The following HSD17B7 variants were observed in gnomAD, a reference collection of about 807,000 sequenced individuals.
HSD17B7 encodes 3-keto-steroid reductase/17-beta-hydroxysteroid dehydrogenase 7.
In HSD17B7, 17 loss-of-function variants were observed where a neutral mutation model predicts 34.1. That is an observed-to-expected ratio of 0.50 (90% confidence interval 0.34 to 0.75). The LOEUF is 0.75. Among genes scored for constraint, HSD17B7 ranks in the 30% least tolerant of loss-of-function variants. The probability of loss-of-function intolerance (pLI) is 0.01; values close to 1 mark genes in which losing one functional copy is unlikely to be tolerated. For missense variants in HSD17B7, 296 were observed against 406.6 expected (o/e 0.73, Z 2.34); for synonymous variants, 122 against 154.6 (o/e 0.79, Z 1.56).
intron 1 of HSD17B7, among the ~76,000 whole-genome samples, chr1:162,791,060 G>A (rs924932817): frequency 2.0e-5 from 3 of 151,562 alleles, no homozygotes; most frequent in Non-Finnish European, 2.9e-5. Flanking sequence ...GCATCAGTAA[G>A]TGATGAGTGT....
At chr1:162,797,273 GACACACAC>G (rs370316764) in intron 3 of HSD17B7, 1 of 157,744 alleles carries the variant, frequency 6.3e-6, no homozygotes, top group Non-Finnish European at 1.4e-5. Context: ...TTAAAAGACA[GACACACAC>G]ACACACTCTC....
rs1388762533 is a variant in HSD17B7, at chr1:162,808,400, G to A, written c.903+2908G>A. ...GTAGTATAGTTTGAAGTCAGGTAGCGTGATGCCTCCAGCTTTGTTCTTTTG... is the reference window on the plus strand; with the variant it reads ...GTAGTATAGTTTGAAGTCAGGTAGCATGATGCCTCCAGCTTTGTTCTTTTG... On this transcript the variant is annotated intron_variant, in intron 8 of 8. Coordinates refer to ENST00000254521, the MANE Select transcript of HSD17B7 (RefSeq NM_016371.4). 9.2e-5 allele frequency among the ~76,000 whole-genome samples: 14 copies of A among 152,238 alleles called. No homozygotes were observed. In the South Asian group the frequency reaches 1.5e-3, roughly 16 times the overall value.
chr1:162,800,532 T>G (rs142071192), intron 5 of HSD17B7, among the ~76,000 whole-genome samples: 3,304 of 152,308 alleles, frequency 0.022, 76 homozygotes, highest in South Asian at 0.1. Context: ...TCTATGAGGA[T>G]CTCAGTTTAT....
At chr1:162,809,959 C>T (rs1393740425) in intron 8 of HSD17B7, among the ~76,000 whole-genome samples, 2 of 152,070 alleles carry the variant, frequency 1.3e-5, no homozygotes, top group African/African-American at 4.8e-5. Context: ...TTCAGTTCTG[C>T]TCTGATCTTA....
chr1:162,808,873 G>T (rs1464552971), intron 8 of HSD17B7, among the ~76,000 whole-genome samples: 2 of 152,192 alleles, frequency 1.3e-5, no homozygotes, highest in Non-Finnish European at 2.9e-5. Flanking sequence ...TTTGGGCTGA[G>T]ACAATGGGGT....
intron 2 of HSD17B7, 47 bp downstream of exon 2, chr1:162,792,909 A>C (rs371253891): frequency 2.5e-5 from 39 of 1,563,132 alleles, no homozygotes; most frequent in Admixed American, 6.7e-5. Context: ...ATTGTGCAGC[A>C]TAACACTTAA....
chr1:162,791,828 T>G (rs1648418644), intron 1 of HSD17B7, among the ~76,000 whole-genome samples: 1 of 152,084 alleles, frequency 6.6e-6, no homozygotes. Flanking sequence ...TTGTTGTTGG[T>G]GCTAATAGAT....
chr1:162,793,102 C>T (rs1262915514), intron 2 of HSD17B7: 17 of 263,814 alleles, frequency 6.4e-5, no homozygotes, highest in East Asian at 4.4e-4. Flanking sequence ...GGCGTGATCT[C>T]GGCTCACTTC....
chr1:162,795,237 G>A (rs144549431), intron 2 of HSD17B7, among the ~76,000 whole-genome samples: 93 of 152,286 alleles, frequency 6.1e-4, no homozygotes, highest in African/African-American at 2.1e-3. Flanking sequence ...CCCTTCTAAT[G>A]GCTCAAGTAG....
In HSD17B7 at chr1:162,790,968, CA is replaced by C. The variant is rs961957245; in HGVS notation, c.35+134del. The C allele has an allele frequency of 3.2e-4, 211 of 668,900 alleles. 1 individual carries two copies. The Admixed American group carries it at 4.9e-3, about 15-fold the overall frequency. The allele number at this position is 668,900 out of a possible 1,614,324, so 41.4% of individuals were successfully genotyped here. On this transcript the variant is annotated intron_variant, in intron 1 of 8. Coordinates refer to ENST00000254521, the MANE Select transcript of HSD17B7 (RefSeq NM_016371.4). Reference sequence around the variant, plus strand: ...TGCCTAGGTTCCCCGGAGTCTGCAGCAGGTGTGGGGCATGTCGGCCTCTTGA... The same window carrying C: ...TGCCTAGGTTCCCCGGAGTCTGCAGCGGTGTGGGGCATGTCGGCCTCTTGA...
rs561012380 is a variant in HSD17B7 at position 162,803,402 on chromosome 1, G to A, written c.643-29G>A. ...CTGAGTCAATATACACTGAGTTAAA[G>A]TCTCATTGCTACACCTCTCTGTTCC... On this transcript the variant is annotated intron_variant, in intron 5 of 8. Coordinates refer to ENST00000254521, the MANE Select transcript of HSD17B7 (RefSeq NM_016371.4). 40 of 1,606,272 alleles carry A rather than the reference G, an allele frequency of 2.5e-5. No homozygotes were observed. The South Asian group carries it at 4.1e-4, about 16-fold the overall frequency.
At chr1:162,806,543 A>G (rs1485432074) in intron 8 of HSD17B7, among the ~76,000 whole-genome samples, 1 of 152,224 alleles carries the variant, frequency 6.6e-6, no homozygotes, top group East Asian at 1.9e-4. Flanking sequence ...CAGCAAAGTA[A>G]AGGCTGTGAG....
At chr1:162,791,098 G>A (rs1300369571) in intron 1 of HSD17B7, among the ~76,000 whole-genome samples, 1 of 151,852 alleles carries the variant, frequency 6.6e-6, no homozygotes, top group Non-Finnish European at 1.5e-5. Context: ...GGTTATCAAG[G>A]CAATGGGGTA....
intron 2 of HSD17B7, among the ~76,000 whole-genome samples, chr1:162,796,333 T>C (rs1251156408): frequency 2.0e-5 from 3 of 152,268 alleles, no homozygotes; most frequent in African/African-American, 7.2e-5. Flanking sequence ...CAGATTCTGT[T>C]TGAAGCCACT....
Position 162,812,245 on chromosome 1 carries a change from C to T in HSD17B7, c.904-53C>T, listed in dbSNP as rs1283663811. 8 of 1,578,452 alleles carry T rather than the reference C, an allele frequency of 5.1e-6. No homozygotes were observed. The African/African-American group carries it at 6.9e-5, about 14-fold the overall frequency. On this transcript the variant is annotated intron_variant, in intron 8 of 8. Transcript: ENST00000254521. ...TGAATGCCTTTTTTTTATACAAATA[C>T]TATTCATCTTATTTTTCATTTCTAG...
rs1648364759 is a variant in HSD17B7, at chr1:162,790,705, C to T, written c.-96C>T. On this transcript the variant is annotated 5_prime_UTR_variant, in exon 1 of 9. Coordinates refer to ENST00000254521, the MANE Select transcript of HSD17B7 (RefSeq NM_016371.4). The stretch of plus-strand genomic sequence containing the variant: ...CAACGGGAGGCGGGGCGTGGCCGTA[C>T]TCTGATTGGTGACGGGTGAGGCGGC... 2.5e-6 allele frequency: 2 copies of T among 803,104 alleles called. No homozygotes were observed. Among genetic ancestry groups the T allele is most frequent in the Admixed American group, 2.0e-5 (1 of 49,352 alleles). The allele number at this position is 803,104 out of a possible 1,614,324, so 49.7% of individuals were successfully genotyped here.
intron 2 of HSD17B7, 64 bp downstream of exon 2, chr1:162,792,926 AAG>A (rs1357361376): frequency 1.3e-6 from 2 of 1,521,220 alleles, no homozygotes; most frequent in African/African-American, 1.4e-5. Context: ...TTAATAAAAT[AAG>A]AGAGGAAAGA....
At chr1:162,799,965 T>C (rs760766791) in intron 5 of HSD17B7, 28 bp downstream of exon 5, 2 of 1,600,748 alleles carry the variant, frequency 1.2e-6, no homozygotes, top group African/African-American at 1.3e-5. Flanking sequence ...GATACGGAAA[T>C]GGCAGAGGAG....
In HSD17B7 at chr1:162,805,478, A is replaced by C; in HGVS notation, c.889A>C (p.Ile297Leu). The C allele has an allele frequency of 6.2e-7, 1 of 1,612,854 alleles. No homozygotes were observed. The highest frequency in any genetic ancestry group is 8.5e-7 in the Non-Finnish European group (1 of 1,179,212). The change falls in exon 8 of 9, where the codon ATT becomes CTT. Residue 297 changes from isoleucine to leucine, a missense_variant. Physicochemically the swap from Ile to Leu is conservative, Grantham distance 5. Coordinates refer to ENST00000254521, the MANE Select transcript of HSD17B7 (RefSeq NM_016371.4). ...CACCACTGGCTTTGGAAGAAATTAC[A>C]TTATGACCCAGAAGGTAAATGTGCT... is the stretch of plus-strand genomic sequence containing the variant. ...SATTGFGRNY[I>L]MTQKMDLDED...
Sources: gnomAD v4.1 joint callset for allele counts (sites outside exome capture counted in the v4.1 genomes callset) on GRCh38, gnomAD v4.1.1 for gene constraint, MANE v1.5 for transcripts, NCBI Gene and HGNC (gene_info 2026-07-23, HGNC 2026-07-21) for gene names.